CARD14: variants seen among roughly 807,000 people sequenced by gnomAD.
CARD14 encodes the protein caspase recruitment domain-containing protein 14.
In CARD14, 107 loss-of-function variants were observed where a neutral mutation model predicts 111.5. That is an observed-to-expected ratio of 0.96 (90% CI 0.82 to 1.13). The LOEUF (loss-of-function observed/expected upper bound fraction) is 1.13, where lower values mean the gene tolerates loss of function less well. CARD14 is among the 50% of genes most tolerant of loss of function. The pLI is 0.00. For synonymous variants in CARD14, 617 were observed against 579.6 expected (o/e 1.06, Z -0.93); for missense variants, 1,322 against 1,362.3 (o/e 0.97, Z 0.47).
chr17:80,175,007 A>C (rs1330706108), intron 2 of CARD14, among the ~76,000 whole-genome samples: 1 of 150,254 alleles, frequency 6.7e-6, no homozygotes, highest in Non-Finnish European at 1.5e-5. Context: ...ACAGGGTCTC[A>C]GTCTGTCATC....
At chr17:80,199,228 C>A (rs113012333) in intron 16 of CARD14, among the ~76,000 whole-genome samples, 3,841 of 151,880 alleles carry the variant, frequency 0.025, 158 homozygotes, top group African/African-American at 0.087. Flanking sequence ...TGTGGTGGCT[C>A]ACGCCTGTAA....
At chr17:80,173,296 A>C in intron 2 of CARD14, 68 bp downstream of exon 2, 1 of 131,464 alleles carries the variant, frequency 7.6e-6, no homozygotes, top group East Asian at 2.4e-4. Context: ...TTTCTCTCTC[A>C]TGCACACACA....
chr17:80,207,988 G>A (rs2041433694), intron 23 of CARD14, 150 bp from the exon 24 acceptor site: 1 of 548,376 alleles, frequency 1.8e-6, no homozygotes. Context: ...CCACCACTGG[G>A]GCCTGGGGCC....
At chr17:80,191,545 C>T in intron 11 of CARD14, 73 bp downstream of exon 11, 2 of 1,561,138 alleles carry the variant, frequency 1.3e-6, no homozygotes, top group East Asian at 2.3e-5. Flanking sequence ...AGCTGGGCTC[C>T]AGGGTGGCCC....
chr17:80,182,886 C>T lies in CARD14; in HGVS notation c.349+96C>T. On this transcript the variant is annotated intron_variant, in intron 6 of 23. Transcript: ENST00000648509. The surrounding 1 kb of genome is among the most constrained non-coding windows in gnomAD (Gnocchi z 4.7). ...CCCGCTTACTTGCCGATTTGCCCTA[C>T]TCCCCCTTCCCTCCAGGCTGCAGTT... 6.9e-7 allele frequency: 1 copy of T among 1,441,986 alleles called. No homozygotes were observed. Among genetic ancestry groups the T allele is most frequent in the Non-Finnish European group, 9.6e-7 (1 of 1,043,180 alleles). The allele number at this position is 1,441,986 out of a possible 1,614,324, so 89.3% of individuals were successfully genotyped here.
At position 80,184,133 on chromosome 17, in the gene CARD14, G is replaced by T; in HGVS notation, c.570G>T (p.Glu190Asp). Reference protein sequence around the residue: ...MKREVSAHFHEVLRLKDEMLS... With the variant: ...MKREVSAHFHDVLRLKDEMLS... ...GTGAGGTTAGCGCACACTTCCATGA[G>T]GTGCTGAGGCTGAAGGACGAGATGC... Residue 190 changes from glutamate to aspartate, a missense_variant, in exon 7 of 24, where the codon GAG becomes GAT. Glu to Asp is a conservative substitution (Grantham distance 45, BLOSUM62 2). Transcript: ENST00000648509. 1 of 1,570,358 alleles carries T rather than the reference G, an allele frequency of 6.4e-7. No homozygotes were observed. Among genetic ancestry groups the T allele is most frequent in the South Asian group, 1.2e-5 (1 of 85,392 alleles).
intron 18 of CARD14, 104 bp downstream of exon 18, chr17:80,202,524 C>A: frequency 6.6e-7 from 1 of 1,508,218 alleles, no homozygotes; most frequent in Non-Finnish European, 8.9e-7. Context: ...AGAGGGTGGG[C>A]GTGGTGAGAC....
chr17:80,203,578 C>A lies in CARD14; in HGVS notation c.2220-244C>A, dbSNP rs1156311465. ...CAACAGCACCCCCTGGGTCCCGCCC[C>A]AGGACAAGTAAATCAGCATCTCCAG... On this transcript the variant is annotated intron_variant, in intron 18 of 23. Coordinates refer to ENST00000648509, the MANE Select transcript of CARD14 (RefSeq NM_001366385.1). The surrounding 1 kb of genome is among the most constrained non-coding windows in gnomAD (Gnocchi z 4.6). 4.2e-6 allele frequency: 2 copies of A among 475,520 alleles called. No individual in the cohort carries two copies. The highest frequency in any genetic ancestry group is 3.8e-5 in the South Asian group (1 of 26,608). 29.5% of individuals were successfully genotyped at this position (475,520 alleles called of 1,614,324 possible). A position where few individuals can be genotyped will look rare whatever the true frequency, so the allele number is the denominator to read the frequency against.
chr17:80,185,947 G>A (rs2040330825), intron 7 of CARD14, among the ~76,000 whole-genome samples: 2 of 152,244 alleles, frequency 1.3e-5, no homozygotes, highest in Non-Finnish European at 2.9e-5. Flanking sequence ...CCCTCACAGG[G>A]GACGTCACAC....
rs2041499608 is a variant in CARD14, at chr17:80,208,851, CA to C, written c.*507del. 6.5e-6 allele frequency: 1 copy of C among 152,850 alleles called. No homozygotes were observed. The highest frequency in any genetic ancestry group is 1.5e-5 in the Non-Finnish European group (1 of 68,466). The allele number at this position is 152,850 out of a possible 1,614,324, so 9.5% of individuals were successfully genotyped here. A position where few individuals can be genotyped will look rare whatever the true frequency, so the allele number is the denominator to read the frequency against. ...TGCCCGGGGCAGAGGCAGAAGCCCACATATGCTGTGACGCTGGCCACCTTTT... is the reference window on the plus strand; with the variant it reads ...TGCCCGGGGCAGAGGCAGAAGCCCACTATGCTGTGACGCTGGCCACCTTTT... On this transcript the variant is annotated 3_prime_UTR_variant, in exon 24 of 24. Transcript: ENST00000648509.
Position 80,190,911 on chromosome 17 carries a change from G to A in CARD14, c.1089+12G>A. ...AGGAGCGAGACCAGGTACCTGAGAG[G>A]CCGGGCCCACCCCGCCACCCCATGC... On this transcript the variant is annotated intron_variant, in intron 10 of 23. Transcript: ENST00000648509. The A allele has an allele frequency of 1.2e-6, 2 of 1,612,216 alleles. No homozygotes were observed. Among genetic ancestry groups the A allele is most frequent in the Non-Finnish European group, 1.7e-6 (2 of 1,179,618 alleles).
intron 7 of CARD14, among the ~76,000 whole-genome samples, chr17:80,185,139 T>C (rs2144199025): frequency 6.6e-6 from 1 of 152,216 alleles, no homozygotes; most frequent in East Asian, 1.9e-4. Flanking sequence ...ACTACAGCCT[T>C]AAACTCCTGA....
rs1567909429 is a variant in CARD14 at position 80,208,225 on chromosome 17, TCTATACAGCAGCCTGG to T, written c.2898_2913del (p.Tyr967LeufsTer50). 6.4e-7 allele frequency: 1 copy of T among 1,567,822 alleles called. No homozygotes were observed. On this transcript the variant is annotated frameshift_variant, in exon 24 of 24. Transcript: ENST00000648509. LOFTEE classifies it high-confidence loss of function. ...AGGGAGACCTGGACCGGGCGCCCTG[TCTATACAGCAGCCTGG>T]CTCCTGACGGCTGGAGCGACCTGGA...
chr17:80,181,518 G>C lies in CARD14; in HGVS notation c.80G>C (p.Arg27Pro). 1 of 1,590,100 alleles carries C rather than the reference G, an allele frequency of 6.3e-7. No individual in the cohort carries two copies. Among genetic ancestry groups the C allele is most frequent in the Non-Finnish European group, 8.6e-7 (1 of 1,168,548 alleles). The change falls in exon 5 of 24, where the codon CGC becomes CCC. Residue 27 changes from arginine (R) to proline (P), a missense_variant. Arg to Pro is a moderately radical substitution (Grantham distance 103). Coordinates refer to ENST00000648509, the MANE Select transcript of CARD14 (RefSeq NM_001366385.1). ...CTGTGGGAGATGATGGAGAGCCACCGCCACAGGATCGTACGCTGCATCTGC... is the reference window on the plus strand; with the variant it reads ...CTGTGGGAGATGATGGAGAGCCACCCCCACAGGATCGTACGCTGCATCTGC... ...ETLWEMMESH[R>P]HRIVRCICPS...
At chr17:80,190,696 T>A in intron 9 of CARD14, 78 bp from the exon 10 acceptor site, 9 of 1,530,016 alleles carry the variant, frequency 5.9e-6, no homozygotes, top group East Asian at 2.4e-5. Context: ...CCTCCACCCC[T>A]GGGTTCCCCG....
In CARD14 at chr17:80,204,237, G is replaced by A. The variant is rs764097798; in HGVS notation, c.2294G>A (p.Gly765Glu). The A allele has an allele frequency of 4.4e-6, 7 of 1,589,658 alleles. No homozygotes were observed. The East Asian group carries it at 1.6e-4, about 36-fold the overall frequency. Residue 765 changes from glycine to glutamate, a missense_variant, in exon 20 of 24, where the codon GGG becomes GAG. Gly to Glu is a moderately conservative substitution (Grantham distance 98). Transcript: ENST00000648509. ...CTGTCCCTCCTTTAGCCATCTTCTG[G>A]GGGACCACAGAAGCTGGTCCGCATC... ...QCTVTRKPSS[G>E]GPQKLVRIVS... is the part of the protein sequence containing the mutation.
At chr17:80,190,955 G>A in intron 10 of CARD14, 56 bp downstream of exon 10, 1 of 1,589,654 alleles carries the variant, frequency 6.3e-7, no homozygotes, top group East Asian at 2.2e-5. Context: ...CCAGGTGAGG[G>A]CTGGTTCCGG....
At chr17:80,173,910 T>A (rs1222773378) in intron 2 of CARD14, among the ~76,000 whole-genome samples, 3 of 152,128 alleles carry the variant, frequency 2.0e-5, no homozygotes, top group Admixed American at 6.5e-5. Context: ...AAATATTTTT[T>A]AATTGTTAAA....
chr17:80,191,857 C>T (rs1031323370), intron 11 of CARD14, among the ~76,000 whole-genome samples: 1 of 152,188 alleles, frequency 6.6e-6, no homozygotes, highest in Non-Finnish European at 1.5e-5. Context: ...AAAAGCCCAG[C>T]GTCCAAGAGT....
Sources: gnomAD v4.1 joint callset for allele counts (sites outside exome capture counted in the v4.1 genomes callset) on GRCh38, gnomAD v4.1.1 for gene constraint, Gnocchi (gnomAD v3.1) non-coding constraint, MANE v1.5 for transcripts, NCBI Gene and HGNC (gene_info 2026-07-23, HGNC 2026-07-21) for gene names.